SLC25A48: variants seen among roughly 807,000 people sequenced by gnomAD.
SLC25A48 encodes the protein solute carrier family 25 member 48, also known as CTC-321K16.1.
Under a neutral mutation model 32.2 loss-of-function variants are expected in SLC25A48, and 29 were observed. The observed-to-expected ratio is 0.90, with a 90% CI of 0.67 to 1.23. SLC25A48 has a LOEUF of 1.23. Ranked by LOEUF, SLC25A48 falls within the 50% of genes most tolerant of loss-of-function variation. The pLI is 0.00. For synonymous variants in SLC25A48, 164 were observed against 172.3 expected (o/e 0.95, Z 0.38); for missense variants, 399 against 422.7 (o/e 0.94, Z 0.49).
intron 3 of SLC25A48, among the ~76,000 whole-genome samples, chr5:135,767,238 T>C (rs1248992755): frequency 6.6e-6 from 1 of 151,084 alleles, no homozygotes; most frequent in East Asian, 2.0e-4. Context: ...GAGGGTGATA[T>C]TACTATCTAT....
chr5:135,671,171 A>G (rs2126942181), intron 3 of SLC25A48, among the ~76,000 whole-genome samples: 1 of 152,340 alleles, frequency 6.6e-6, no homozygotes, highest in Admixed American at 6.5e-5. Flanking sequence ...TAAGGGCCGA[A>G]GGAGCTAGAG....
intron 1 of SLC25A48, among the ~76,000 whole-genome samples, chr5:135,624,289 G>A (rs1476545276): frequency 4.6e-5 from 7 of 152,180 alleles, no homozygotes; most frequent in South Asian, 2.1e-4. Flanking sequence ...CGAGCAAACC[G>A]GGGCTACCCA....
chr5:135,628,364 T>C (rs1425652774), intron 1 of SLC25A48, among the ~76,000 whole-genome samples: 1 of 152,180 alleles, frequency 6.6e-6, no homozygotes, highest in Non-Finnish European at 1.5e-5. Context: ...TTTAGGCAAA[T>C]GCAGAATATC....
chr5:135,607,247 C>A (rs1050749753), intron 1 of SLC25A48, among the ~76,000 whole-genome samples: 4 of 152,166 alleles, frequency 2.6e-5, no homozygotes, highest in African/African-American at 2.4e-5. Flanking sequence ...TTATCAATAG[C>A]AAAAATAGTG....
rs1006631109 is a variant in SLC25A48, at chr5:135,758,499, TATG to T, written c.-520-54021_-520-54019del. ...TTTACTATCTCTAGTGTTAACACACTATGATATTAATAGAATATGATCTTTGTG... is the reference window on the plus strand; with the variant it reads ...TTTACTATCTCTAGTGTTAACACACTATATTAATAGAATATGATCTTTGTG... On this transcript the variant is annotated intron_variant, in intron 3 of 10. Coordinates refer to the SLC25A48 transcript ENST00000646290. Among the ~76,000 whole-genome samples the T allele has an allele frequency of 7.9e-5, 12 of 151,020 alleles. No homozygotes were observed. In the South Asian group the frequency reaches 1.5e-3, roughly 19 times the overall value.
intron 3 of SLC25A48, among the ~76,000 whole-genome samples, chr5:135,752,421 A>C (rs1296872101): frequency 6.6e-6 from 1 of 152,202 alleles, no homozygotes; most frequent in Non-Finnish European, 1.5e-5. Context: ...AAAATACAAA[A>C]ATTAGGAGTA....
At chr5:135,808,008 A>G (rs1182440718) in intron 3 of SLC25A48, among the ~76,000 whole-genome samples, 2 of 150,850 alleles carry the variant, frequency 1.3e-5, no homozygotes, top group Non-Finnish European at 3.0e-5. Flanking sequence ...TTTTCTTAAT[A>G]TCATAGTATG....
intron 1 of SLC25A48, among the ~76,000 whole-genome samples, chr5:135,603,526 G>A (rs1158040916): frequency 6.6e-6 from 1 of 152,176 alleles, no homozygotes; most frequent in Non-Finnish European, 1.5e-5. Context: ...CCCTGCCTCT[G>A]GCCTCATCCC....
chr5:135,651,893 T>C (rs185682228), intron 3 of SLC25A48, among the ~76,000 whole-genome samples: 2 of 152,292 alleles, frequency 1.3e-5, no homozygotes, highest in Non-Finnish European at 2.9e-5. Flanking sequence ...TTAGTGATAA[T>C]AAAGTCTGGG....
intron 3 of SLC25A48, among the ~76,000 whole-genome samples, chr5:135,766,126 A>G (rs1756218394): frequency 1.3e-5 from 2 of 151,880 alleles, no homozygotes; most frequent in African/African-American, 4.8e-5. Flanking sequence ...CCCCTGTGAT[A>G]TGATTCATAA....
chr5:135,647,764 C>G (rs1369947869), intron 3 of SLC25A48, among the ~76,000 whole-genome samples: 1 of 152,254 alleles, frequency 6.6e-6, no homozygotes, highest in African/African-American at 2.4e-5. Flanking sequence ...CAAGCCAGTG[C>G]CAGTCCAATG....
At chr5:135,825,780 A>G (rs1244519188) in intron 4 of SLC25A48, 2 of 152,262 alleles carry the variant, frequency 1.3e-5, no homozygotes, top group African/African-American at 4.8e-5. Flanking sequence ...TCCAGGGACC[A>G]TGGTCTTTAT....
chr5:135,788,891 G>A (rs575841859), intron 3 of SLC25A48, among the ~76,000 whole-genome samples: 16 of 151,414 alleles, frequency 1.1e-4, no homozygotes, highest in Middle Eastern at 6.9e-3. Context: ...TGTGTCGGGG[G>A]GTGTACACCC....
rs538307088 is a variant in SLC25A48, at chr5:135,781,788, T to A, written c.-520-30735T>A. 9.9e-4 allele frequency among the ~76,000 whole-genome samples: 116 copies of A among 117,004 alleles called. 41 individuals carry two copies. The highest frequency in any genetic ancestry group is 2.0e-3 in the Non-Finnish European group (94 of 47,264). 76.8% of individuals were successfully genotyped at this position (117,004 alleles called of 152,430 possible). A position where few individuals can be genotyped will look rare whatever the true frequency, so the allele number is the denominator to read the frequency against. On this transcript the variant is annotated intron_variant, in intron 3 of 10. Transcript: ENST00000646290. ...TCCATGGGAAAGAGGATGATATTAC[T>A]GTCAATATCACAGGAAGTGTACACC...
At chr5:135,692,211 G>C (rs1249434969) in intron 3 of SLC25A48, among the ~76,000 whole-genome samples, 1 of 151,830 alleles carries the variant, frequency 6.6e-6, no homozygotes, top group Non-Finnish European at 1.5e-5. Flanking sequence ...CCACCTACTT[G>C]GGAGGCTGAG....
At chr5:135,785,798 G>T (rs1326558749) in intron 3 of SLC25A48, among the ~76,000 whole-genome samples, 2 of 150,734 alleles carry the variant, frequency 1.3e-5, no homozygotes, top group South Asian at 2.1e-4. Context: ...CAGGGGGCGA[G>T]AGGGTAACAT....
chr5:135,733,556 G>A (rs935561388), intron 3 of SLC25A48, among the ~76,000 whole-genome samples: 1 of 152,168 alleles, frequency 6.6e-6, no homozygotes, highest in Non-Finnish European at 1.5e-5. Context: ...AGTGAGTTGA[G>A]CATAGTTTGT....
intron 3 of SLC25A48, among the ~76,000 whole-genome samples, chr5:135,737,182 AAG>A (rs199503176): frequency 0.013 from 1,942 of 152,212 alleles, 42 homozygotes; most frequent in African/African-American, 0.043. Flanking sequence ...CTGATCCGAA[AAG>A]AGAGTCAGTG....
chr5:135,766,171 C>T (rs189359413), intron 3 of SLC25A48, among the ~76,000 whole-genome samples: 22 of 150,692 alleles, frequency 1.5e-4, no homozygotes, highest in South Asian at 1.1e-3. Flanking sequence ...CTCCCAATAA[C>T]GCGGTTGGTG....
Sources: gnomAD v4.1 joint callset for allele counts (sites outside exome capture counted in the v4.1 genomes callset) on GRCh38, gnomAD v4.1.1 for gene constraint, MANE v1.5 for transcripts, NCBI Gene and HGNC (gene_info 2026-07-23, HGNC 2026-07-21) for gene names.